Variants in FAT2 observed in about 807,000 individuals in gnomAD.
FAT2 encodes the protein FAT atypical cadherin 2.
A neutral mutation model predicts 295.3 loss-of-function variants in FAT2; 150 were observed. That is an observed-to-expected ratio of 0.51 (90% CI 0.44 to 0.58). The LOEUF is 0.58. Ranked by LOEUF, FAT2 falls within the 20% of genes least tolerant of loss-of-function variation. FAT2 has a pLI of 0.00. For synonymous variants in FAT2, 2,026 were observed against 2,150.3 expected (o/e 0.94, Z 1.60); for missense variants, 4,868 against 5,442.7 (o/e 0.89, Z 3.32).
rs1278166570 is a variant in FAT2 at position 151,512,994 on chromosome 5, T to A, written c.11464-388A>T. Among the ~76,000 whole-genome samples, 5 of 152,242 alleles carry A rather than the reference T, an allele frequency of 3.3e-5. No individual in the cohort carries two copies. Among genetic ancestry groups the A allele is most frequent in the Non-Finnish European group, 5.9e-5 (4 of 68,038 alleles). ...CTGTCTCCCACTCCCACTTCCTTATTCAACAGCTTAGCAGTTCTCAAAGTA... is the reference window on the plus strand; with the variant it reads ...CTGTCTCCCACTCCCACTTCCTTATACAACAGCTTAGCAGTTCTCAAAGTA... On this transcript the variant is annotated intron_variant, in intron 20 of 23. Transcript: ENST00000261800. This position sits in a 1 kb window ranked among gnomAD's most constrained non-coding sequence, Gnocchi z 4.1.
At chr5:151,517,935 C>T (rs75599144) in intron 19 of FAT2, among the ~76,000 whole-genome samples, 170 bp from the exon 20 acceptor site, 1,721 of 152,290 alleles carry the variant, frequency 0.011, 8 homozygotes, top group Non-Finnish European at 0.017. Flanking sequence ...TAGCCTCACA[C>T]GTAGAGCCAG....
In FAT2 at chr5:151,507,310, T is replaced by C; in HGVS notation, c.12361A>G (p.Lys4121Glu). The change falls in exon 23 of 24, where the codon AAG becomes GAG. Residue 4121 changes from lysine (K) to glutamate (E), a missense_variant. Transcript: ENST00000261800. ...ACGAGTTCATTTGGAACAGAGGCCT[T>C]GCTGGGTTCCGGTTGGTTGAGGTTG... ...CNNLNQPEPS[K>E]ASVPNELVTF... 1.9e-6 allele frequency: 3 copies of C among 1,614,180 alleles called. No homozygotes were observed. Among genetic ancestry groups the C allele is most frequent in the Non-Finnish European group, 2.5e-6 (3 of 1,180,040 alleles).
intron 19 of FAT2, among the ~76,000 whole-genome samples, chr5:151,520,095 C>T (rs1056157350): frequency 3.3e-5 from 5 of 152,246 alleles, no homozygotes; most frequent in Non-Finnish European, 5.9e-5. Context: ...CAGAGAGAAG[C>T]CCACCCAGCC....
At chr5:151,574,459 C>G (rs1442943618) in intron 1 of FAT2, among the ~76,000 whole-genome samples, 2 of 152,112 alleles carry the variant, frequency 1.3e-5, no homozygotes, top group African/African-American at 4.8e-5. Context: ...TTAAGAGGGA[C>G]TGTGCTTTGA....
chr5:151,568,277 G>A lies in FAT2; in HGVS notation c.655C>T (p.Leu219Phe). Reference protein sequence around the residue: ...LNVTWRGKHELQVLAVDRMRK... With the variant: ...LNVTWRGKHEFQVLAVDRMRK... ...ATGCGGTCCACAGCTAGCACCTGGAGCTCATGCTTTCCTCGCCAGGTGACG... is the reference window on the plus strand; with the variant it reads ...ATGCGGTCCACAGCTAGCACCTGGAACTCATGCTTTCCTCGCCAGGTGACG... The change falls in exon 2 of 24, where the codon CTC (leucine) becomes TTC (phenylalanine). Residue 219 changes from leucine (L) to phenylalanine (F), a missense_variant. This residue lies in a region of FAT2 where 3,297 missense variants were observed against 3,669.4 expected (regional missense o/e 0.90). Coordinates refer to ENST00000261800, the MANE Select transcript of FAT2 (RefSeq NM_001447.3). 1 of 1,614,192 alleles carries A rather than the reference G, an allele frequency of 6.2e-7. No individual in the cohort carries two copies.
At position 151,566,073 on chromosome 5, in the gene FAT2, G is replaced by A. The variant is rs1758247775; in HGVS notation, c.2859C>T (p.Asp953=). 7.4e-6 allele frequency: 12 copies of A among 1,614,158 alleles called. No homozygotes were observed. Among genetic ancestry groups the A allele is most frequent in the Non-Finnish European group, 9.3e-6 (11 of 1,180,038 alleles). ...VLTFLDASDP[D]LGPAGEVRYV... ...ATCGCACTTCACCTGCGGGGCCCAG[G>A]TCAGGATCAGAGGCATCCAGAAATG... Residue 953 remains aspartate (D), a synonymous_variant, in exon 2 of 24, where the codon GAC becomes GAT. Transcript: ENST00000261800.
rs2127651024 is a variant in FAT2 at position 151,568,907 on chromosome 5, C to T, written c.25G>A (p.Ala9Thr). The T allele has an allele frequency of 6.2e-7, 1 of 1,610,746 alleles. No homozygotes were observed. The highest frequency in any genetic ancestry group is 8.5e-7 in the Non-Finnish European group (1 of 1,178,470). Residue 9 changes from alanine to threonine, a missense_variant, in exon 2 of 24, where the codon GCC becomes ACC. Physicochemically the swap from Ala to Thr is moderately conservative, Grantham distance 58. Around this residue, in one of 5 missense-constraint regions of FAT2, gnomAD observed 3,297 missense variants for 3,669.4 expected, o/e 0.90. Coordinates refer to ENST00000261800, the MANE Select transcript of FAT2 (RefSeq NM_001447.3). Reference sequence around the variant, plus strand: ...GTCGCACAATGGAGCAAGAATATGGCAAAACCCAGCAGGGCAATAGTCATG... The same window carrying T: ...GTCGCACAATGGAGCAAGAATATGGTAAAACCCAGCAGGGCAATAGTCATG... MTIALLGFAIFLLHCATCE... is the reference protein window; with the variant it reads MTIALLGFTIFLLHCATCE...
At chr5:151,518,982 A>G (rs753927295) in intron 19 of FAT2, among the ~76,000 whole-genome samples, 6 of 152,202 alleles carry the variant, frequency 3.9e-5, no homozygotes, top group Non-Finnish European at 5.9e-5. Context: ...ATTGTTGAAG[A>G]GAGAGAACAA....
Position 151,567,887 on chromosome 5 carries a change from C to T in FAT2, c.1045G>A (p.Gly349Ser). The change falls in exon 2 of 24, where the codon GGC (glycine) becomes AGC (serine). Residue 349 changes from glycine to serine, a missense_variant. By Grantham distance (56) the Gly-to-Ser change is moderately conservative. This residue lies in a region of FAT2 where 3,297 missense variants were observed against 3,669.4 expected (regional missense o/e 0.90). Coordinates refer to ENST00000261800, the MANE Select transcript of FAT2 (RefSeq NM_001447.3). ...SGPYFYSQIR[G>S]FHLPPSKLSS... ...AGTTTGGAAGGTGGTAGGTGAAAGC[C>T]CCTGATCTGGGAATAAAAATAAGGG... The T allele has an allele frequency of 6.2e-7, 1 of 1,614,018 alleles. No homozygotes were observed. Among genetic ancestry groups the T allele is most frequent in the Non-Finnish European group, 8.5e-7 (1 of 1,180,010 alleles).
In FAT2 at chr5:151,568,223, C is replaced by T. The variant is rs769163073; in HGVS notation, c.709G>A (p.Gly237Ser). ...TGAACCACAAGTGCAGCCAGGCTGC[C>T]AAACCCATTGCCCTCAGAGATTTTC... ...MRKISEGNGF[G>S]SLAALVVHVE... is the part of the protein sequence containing the mutation. The change falls in exon 2 of 24, where the codon GGC (glycine) becomes AGC (serine). Residue 237 changes from glycine (G) to serine (S), a missense_variant. Physicochemically the swap from Gly to Ser is moderately conservative, Grantham distance 56. This residue lies in a region of FAT2 where 3,297 missense variants were observed against 3,669.4 expected (regional missense o/e 0.90). Coordinates refer to ENST00000261800, the MANE Select transcript of FAT2 (RefSeq NM_001447.3). 1.4e-5 allele frequency: 22 copies of T among 1,613,790 alleles called. No homozygotes were observed. Among genetic ancestry groups the T allele is most frequent in the Non-Finnish European group, 1.9e-5 (22 of 1,179,910 alleles).
Position 151,563,525 on chromosome 5 carries a change from A to G in FAT2, c.3374T>C (p.Ile1125Thr), listed in dbSNP as rs776327199. 1.9e-6 allele frequency: 3 copies of G among 1,614,116 alleles called. No individual in the cohort carries two copies. Among genetic ancestry groups the G allele is most frequent in the South Asian group, 1.1e-5 (1 of 91,064 alleles). ...VPLSSVTEVY[I>T]EVTDANDNPP... is the part of the protein sequence containing the mutation. ...GTTGTCATTGGCATCCGTAACCTCG[A>G]TGTAGACTTCAGTTACAGAAGAGAG... is the stretch of plus-strand genomic sequence containing the variant. Residue 1125 changes from isoleucine to threonine, a missense_variant, in exon 3 of 24, where the codon ATC becomes ACC. Physicochemically the swap from Ile to Thr is moderately conservative, Grantham distance 89. Transcript: ENST00000261800.
Position 151,504,920 on chromosome 5 carries a change from C to T in FAT2, c.*645G>A, listed in dbSNP as rs1760725136. 1 of 152,690 alleles carries T rather than the reference C, an allele frequency of 6.5e-6. No individual in the cohort carries two copies. The highest frequency in any genetic ancestry group is 1.5e-5 in the Non-Finnish European group (1 of 68,358). 9.5% of individuals were successfully genotyped at this position (152,690 alleles called of 1,614,324 possible). A position where few individuals can be genotyped will look rare whatever the true frequency, so the allele number is the denominator to read the frequency against. On this transcript the variant is annotated 3_prime_UTR_variant, in exon 24 of 24. Coordinates refer to ENST00000261800, the MANE Select transcript of FAT2 (RefSeq NM_001447.3). Reference sequence around the variant, plus strand: ...CTCTGGGGCCCGAGGCCTGGTGGTGCTCCTCGGAGTCCTTGTTGCCCTCCA... The same window carrying T: ...CTCTGGGGCCCGAGGCCTGGTGGTGTTCCTCGGAGTCCTTGTTGCCCTCCA...
intron 1 of FAT2, among the ~76,000 whole-genome samples, chr5:151,590,937 C>T (rs1300118807): frequency 6.6e-6 from 1 of 152,206 alleles, no homozygotes; most frequent in Non-Finnish European, 1.5e-5. Context: ...TTGCTGGGCC[C>T]CGATCCCCAG....
intron 9 of FAT2, among the ~76,000 whole-genome samples, chr5:151,548,043 T>C (rs1410364361): frequency 1.3e-5 from 2 of 152,202 alleles, no homozygotes; most frequent in Non-Finnish European, 2.9e-5. Context: ...AAGATGTGAT[T>C]TCATTTCATA....
In FAT2 at chr5:151,550,784, C is replaced by T. The variant is rs2278371; in HGVS notation, c.4384G>A (p.Val1462Met). ...ACTCGCAGGAGCTCTACCCCTGGCA[C>T]GGTGTCCTGGGGAACTCTGACTTCA... ...RYEVRVPQDT[V>M]PGVELLRVQA... The change falls in exon 8 of 24, where the codon GTG (valine) becomes ATG (methionine). Residue 1462 changes from valine (V) to methionine (M), a missense_variant. Val to Met is a conservative substitution (Grantham distance 21). Coordinates refer to ENST00000261800, the MANE Select transcript of FAT2 (RefSeq NM_001447.3). 107,855 of 1,613,788 alleles carry T rather than the reference C, an allele frequency of 0.067. 6,938 individuals are homozygous for T. Among genetic ancestry groups the T allele is most frequent in the Admixed American group, 0.31 (18,627 of 59,968 alleles).
intron 14 of FAT2, among the ~76,000 whole-genome samples, chr5:151,530,665 ATTG>A (rs1403517322): frequency 6.6e-6 from 1 of 152,224 alleles, no homozygotes; most frequent in African/African-American, 2.4e-5. Context: ...ATATTAAGAA[ATTG>A]TTATCTTTTA....
intron 22 of FAT2, chr5:151,509,540 C>G (rs1356460597): frequency 1.3e-5 from 2 of 153,380 alleles, no homozygotes; most frequent in Non-Finnish European, 2.9e-5. Context: ...CACTGGAGCA[C>G]AAACCCTGTT....
rs1758125300 is a variant in FAT2 at position 151,563,620 on chromosome 5, T to C, written c.3279A>G (p.Ala1093=). The change falls in exon 3 of 24, where the codon GCA becomes GCG. Residue 1093 remains alanine, a synonymous_variant. Transcript: ENST00000261800. ...NQDTGMIQTL[A]PLDREFASYY... ...AAGATGCAAATTCTCGGTCCAGGGG[T>C]GCCAGAGTCTGAATCATTCCTAGGG... 6.2e-7 allele frequency: 1 copy of C among 1,613,736 alleles called. No individual in the cohort carries two copies. Among genetic ancestry groups the C allele is most frequent in the African/African-American group, 1.3e-5 (1 of 74,890 alleles).
intron 15 of FAT2, among the ~76,000 whole-genome samples, chr5:151,528,839 T>C (rs1041475606): frequency 1.3e-5 from 2 of 152,172 alleles, no homozygotes; most frequent in Non-Finnish European, 2.9e-5. Flanking sequence ...CGTCACCCGC[T>C]ATGACCAGGC....
Sources: allele counts gnomAD v4.1 joint callset (sites outside exome capture counted in the v4.1 genomes callset), GRCh38; gene constraint gnomAD v4.1.1; regional missense constraint gnomAD v4.1.1; non-coding constraint Gnocchi (gnomAD v3.1); transcripts MANE v1.5; gene names NCBI Gene and HGNC (gene_info 2026-07-23, HGNC 2026-07-21).